Variants in RALYL observed in about 807,000 individuals in gnomAD.
The protein encoded by RALYL is RNA-binding Raly-like protein.
Under a neutral mutation model 35.1 loss-of-function variants are expected in RALYL, and 29 were observed. The ratio of observed to expected loss-of-function variants is 0.83; its 90% CI spans 0.61 to 1.13. The LOEUF is 1.13. Ranked by LOEUF, RALYL falls within the 50% of genes most tolerant of loss-of-function variation. The pLI, the probability that RALYL is intolerant of heterozygous loss-of-function variation, is 0.00. For synonymous variants in RALYL, 120 were observed against 127.6 expected (o/e 0.94, Z 0.40); for missense variants, 359 against 360.4 (o/e 1.00, Z 0.03).
chr8:84,433,037 G>A (rs1417352787), intron 1 of RALYL, among the ~76,000 whole-genome samples: 1 of 152,024 alleles, frequency 6.6e-6, no homozygotes. Flanking sequence ...AAAGTATTAG[G>A]TACAATAATT....
chr8:84,446,511 T>C (rs1454742973), intron 1 of RALYL, among the ~76,000 whole-genome samples: 2 of 152,100 alleles, frequency 1.3e-5, no homozygotes, highest in Non-Finnish European at 2.9e-5. Flanking sequence ...TCATGGACCA[T>C]CTGTATGGGA....
intron 1 of RALYL, among the ~76,000 whole-genome samples, chr8:84,201,124 A>C (rs547072334): frequency 5.3e-5 from 8 of 152,336 alleles, no homozygotes; most frequent in African/African-American, 1.7e-4. Context: ...TAACCTTCCT[A>C]TGCATTTCCA....
chr8:84,490,238 A>C (rs956783927), intron 1 of RALYL, among the ~76,000 whole-genome samples: 1 of 151,816 alleles, frequency 6.6e-6, no homozygotes, highest in Non-Finnish European at 1.5e-5. Context: ...CCCATTAAAA[A>C]ATTTTCTAAA....
chr8:84,521,796 CT>C (rs1429439434), intron 1 of RALYL, among the ~76,000 whole-genome samples: 2 of 152,038 alleles, frequency 1.3e-5, no homozygotes, highest in Admixed American at 6.5e-5. Flanking sequence ...AAATTATTAA[CT>C]TTTTATAACT....
intron 1 of RALYL, among the ~76,000 whole-genome samples, chr8:84,468,799 G>A (rs897221206): frequency 6.6e-6 from 1 of 152,038 alleles, no homozygotes; most frequent in Non-Finnish European, 1.5e-5. Context: ...CGTAGATTTG[G>A]TCTTTTCACA....
At chr8:84,797,596 T>A (rs1023857988) in intron 3 of RALYL, among the ~76,000 whole-genome samples, 39 of 152,088 alleles carry the variant, frequency 2.6e-4, no homozygotes, top group Non-Finnish European at 1.5e-5. Context: ...TCTTTAAAAC[T>A]CTTTGAAATG....
chr8:84,664,819 C>A (rs750207034), intron 2 of RALYL, among the ~76,000 whole-genome samples: 2 of 152,004 alleles, frequency 1.3e-5, no homozygotes, highest in African/African-American at 4.8e-5. Context: ...GCCTTTATTT[C>A]TTTCTCTCGC....
At chr8:84,536,286 A>G (rs1225057741) in intron 2 of RALYL, among the ~76,000 whole-genome samples, 1 of 152,226 alleles carries the variant, frequency 6.6e-6, no homozygotes, top group Non-Finnish European at 1.5e-5. Flanking sequence ...CGGAGTACCA[A>G]GATTACTCAG....
At chr8:84,216,761 T>A (rs1412083308) in intron 1 of RALYL, among the ~76,000 whole-genome samples, 1 of 152,164 alleles carries the variant, frequency 6.6e-6, no homozygotes, top group Non-Finnish European at 1.5e-5. Context: ...GACTAAAAAA[T>A]GGAATTTTAA....
chr8:84,716,449 C>A (rs561134503), intron 2 of RALYL, among the ~76,000 whole-genome samples: 36 of 152,262 alleles, frequency 2.4e-4, no homozygotes, highest in Non-Finnish European at 4.7e-4. Flanking sequence ...AGGAAAAATT[C>A]ATTTACTTGG....
rs150371139 is a variant in RALYL at position 84,590,904 on chromosome 8, G to C, written c.256+61327G>C. Among the ~76,000 whole-genome samples, 181 of 151,812 alleles carry C rather than the reference G, an allele frequency of 1.2e-3. 1 individual carries two copies. The highest frequency in any genetic ancestry group is 4.2e-3 in the African/African-American group (175 of 41,414). On this transcript the variant is annotated intron_variant, in intron 2 of 8. Transcript: ENST00000521268. ...TATGTAACCTTTCAACTCTCTCACT[G>C]GTATTTATATTTCGTCTTATTAATT...
At chr8:84,865,503 A>C (rs531998702) in intron 6 of RALYL, among the ~76,000 whole-genome samples, 4 of 152,358 alleles carry the variant, frequency 2.6e-5, no homozygotes, top group Non-Finnish European at 5.9e-5. Flanking sequence ...ATAAGCATTT[A>C]AAATGAACTG....
chr8:84,463,114 T>A (rs1375745161), intron 1 of RALYL, among the ~76,000 whole-genome samples: 1 of 151,998 alleles, frequency 6.6e-6, no homozygotes, highest in Non-Finnish European at 1.5e-5. Context: ...TCACTCTTTC[T>A]CATAGTTTAG....
At chr8:84,531,786 A>G (rs1474364819) in intron 2 of RALYL, among the ~76,000 whole-genome samples, 1 of 152,062 alleles carries the variant, frequency 6.6e-6, no homozygotes, top group Non-Finnish European at 1.5e-5. Flanking sequence ...AATTTTCTGG[A>G]GTTCTGTTTC....
chr8:84,318,764 T>C (rs1007010471), intron 1 of RALYL, among the ~76,000 whole-genome samples: 2 of 152,202 alleles, frequency 1.3e-5, no homozygotes, highest in African/African-American at 4.8e-5. Context: ...AGGACAAATG[T>C]AGTTTTTGTC....
rs187336419 is a variant in RALYL, at chr8:84,528,705, G to A, written c.-23-594G>A. 1.0e-3 allele frequency among the ~76,000 whole-genome samples: 152 copies of A among 152,058 alleles called. 2 individuals carry two copies. Among genetic ancestry groups the A allele is most frequent in the Admixed American group, 4.7e-3 (71 of 15,268 alleles). On this transcript the variant is annotated intron_variant, in intron 1 of 8. Transcript: ENST00000521268. Reference sequence around the variant, plus strand: ...GCATATATAGTATTCTGGCTAAGTCGCTTATTTTTAAAATTGTGGTTTTCT... The same window carrying A: ...GCATATATAGTATTCTGGCTAAGTCACTTATTTTTAAAATTGTGGTTTTCT...
chr8:84,620,133 G>A (rs1429504862), intron 2 of RALYL, among the ~76,000 whole-genome samples: 3 of 152,114 alleles, frequency 2.0e-5, no homozygotes, highest in Non-Finnish European at 2.9e-5. Flanking sequence ...GAATCTGAAT[G>A]TTGGCCTGCC....
chr8:84,625,406 A>T (rs1822509338), intron 2 of RALYL, among the ~76,000 whole-genome samples: 1 of 152,246 alleles, frequency 6.6e-6, no homozygotes, highest in Non-Finnish European at 1.5e-5. Context: ...CTGTATGGCA[A>T]GCACTTTCCA....
chr8:84,850,238 G>C (rs1176846816), intron 5 of RALYL, among the ~76,000 whole-genome samples: 7 of 152,002 alleles, frequency 4.6e-5, no homozygotes, highest in African/African-American at 1.7e-4. Context: ...TAGGACTTTG[G>C]AGGTGCTCAA....
Sources: allele counts gnomAD v4.1 joint callset (sites outside exome capture counted in the v4.1 genomes callset), GRCh38; gene constraint gnomAD v4.1.1; transcripts MANE v1.5; gene names NCBI Gene and HGNC (gene_info 2026-07-23, HGNC 2026-07-21).